PC: variants seen among roughly 807,000 people sequenced by gnomAD.
PC encodes pyruvate carboxylase.
A neutral mutation model predicts 107.8 loss-of-function variants in PC; 46 were observed. The ratio of observed to expected loss-of-function variants is 0.43; its 90% CI spans 0.34 to 0.55. The LOEUF (loss-of-function observed/expected upper bound fraction) is 0.55. PC is among the 20% of genes least tolerant of loss of function. PC has a pLI of 0.04. For missense variants in PC, 1,241 were observed against 1,643.1 expected, an observed-to-expected ratio of 0.76 and a Z score of 4.23; for synonymous variants, 662 against 684.7, an observed-to-expected ratio of 0.97 and a Z score of 0.52.
rs1188579720 is a variant in PC at position 66,858,830 on chromosome 11, C to T, written c.1368+4944G>A. 3 of 1,550,620 alleles carry T rather than the reference C, an allele frequency of 1.9e-6. No individual in the cohort carries two copies. Among genetic ancestry groups the T allele is most frequent in the African/African-American group, 1.4e-5 (1 of 73,288 alleles). ...CCAACCCTGCTGGTGAGGCCACAGC[C>T]CGAGTAGAACTGCGGGTGCTGGCCT... is the stretch of plus-strand genomic sequence containing the variant. On this transcript the variant is annotated intron_variant, in intron 12 of 22. Coordinates refer to ENST00000393960, the MANE Select transcript of PC (RefSeq NM_001040716.2). The surrounding 1 kb of genome is among the most constrained non-coding windows in gnomAD (Gnocchi z 5.9).
chr11:66,874,662 G>A (rs1946905281), intron 3 of PC, among the ~76,000 whole-genome samples: 1 of 152,206 alleles, frequency 6.6e-6, no homozygotes, highest in Non-Finnish European at 1.5e-5. Context: ...CAGACCTTAT[G>A]CCAGGCACAG....
At position 66,858,050 on chromosome 11, in the gene PC, C is replaced by A; in HGVS notation, c.1369-4667G>T. On this transcript the variant is annotated intron_variant, in intron 12 of 22. Coordinates refer to ENST00000393960, the MANE Select transcript of PC (RefSeq NM_001040716.2). The surrounding 1 kb of genome is among the most constrained non-coding windows in gnomAD (Gnocchi z 5.9). ...ACCTCGAGAGCCTGCGTTCCCTCCA[C>A]CTTGACGGCAACAGGCTGGTGGAGC... The A allele has an allele frequency of 6.2e-7, 1 of 1,610,766 alleles. No individual in the cohort carries two copies. The highest frequency in any genetic ancestry group is 8.5e-7 in the Non-Finnish European group (1 of 1,179,068).
Position 66,871,212 on chromosome 11 carries a change from G to T in PC, c.488-15C>A. On this transcript the variant is annotated splice_polypyrimidine_tract_variant and intron_variant, in intron 6 of 22. Transcript: ENST00000393960. The surrounding 1 kb of genome is among the most constrained non-coding windows in gnomAD (Gnocchi z 7.4). Reference sequence around the variant, plus strand: ...AACGGGAACACCTGTTGGGAGAAAGGTGTGGGGGAGTCTCTGTAACAGGCG... The same window carrying T: ...AACGGGAACACCTGTTGGGAGAAAGTTGTGGGGGAGTCTCTGTAACAGGCG... The T allele has an allele frequency of 6.2e-7, 1 of 1,612,996 alleles. No homozygotes were observed. The highest frequency in any genetic ancestry group is 8.5e-7 in the Non-Finnish European group (1 of 1,179,216).
chr11:66,862,556 G>A (rs530445288), intron 12 of PC, among the ~76,000 whole-genome samples: 91 of 152,302 alleles, frequency 6.0e-4, no homozygotes, highest in African/African-American at 2.1e-3. Context: ...CCGCCCTGTG[G>A]GGACCCCCAA....
intron 3 of PC, among the ~76,000 whole-genome samples, chr11:66,938,923 C>T (rs906123334): frequency 2.0e-5 from 3 of 152,166 alleles, no homozygotes; most frequent in African/African-American, 7.2e-5. Flanking sequence ...CCCATGATAC[C>T]ACAGGTTACA....
intron 3 of PC, among the ~76,000 whole-genome samples, chr11:66,885,196 G>A (rs1259822684): frequency 6.6e-6 from 1 of 152,184 alleles, no homozygotes; most frequent in Non-Finnish European, 1.5e-5. Flanking sequence ...GTCAGAATGT[G>A]ACCTTATTTG....
chr11:66,885,181 C>T (rs867794851), intron 3 of PC, among the ~76,000 whole-genome samples: 1 of 152,222 alleles, frequency 6.6e-6, no homozygotes, highest in South Asian at 2.1e-4. Flanking sequence ...ACCCCTAGCA[C>T]CTAGGTCAGA....
At chr11:66,873,702 A>T (rs1473550220) in intron 3 of PC, among the ~76,000 whole-genome samples, 1 of 149,924 alleles carries the variant, frequency 6.7e-6, no homozygotes, top group Non-Finnish European at 1.5e-5. Flanking sequence ...GCTGCCCAGC[A>T]CAGAGCCCAA....
rs141635532 is a variant in PC at position 66,858,150 on chromosome 11, G to A, written c.1369-4767C>T. Reference sequence around the variant, plus strand: ...CAGCGGCAACCAGCTGGGCCGCATCGCGCCGGGAGCCTTCGACGACTTCCT... The same window carrying A: ...CAGCGGCAACCAGCTGGGCCGCATCACGCCGGGAGCCTTCGACGACTTCCT... On this transcript the variant is annotated intron_variant, in intron 12 of 22. Transcript: ENST00000393960. This position sits in a 1 kb window ranked among gnomAD's most constrained non-coding sequence, Gnocchi z 5.9. 4 of 1,610,564 alleles carry A rather than the reference G, an allele frequency of 2.5e-6. No homozygotes were observed. The highest frequency in any genetic ancestry group is 2.5e-6 in the Non-Finnish European group (3 of 1,178,674).
intron 3 of PC, among the ~76,000 whole-genome samples, chr11:66,879,317 A>C (rs1947101729): frequency 6.6e-6 from 1 of 152,180 alleles, no homozygotes; most frequent in African/African-American, 2.4e-5. Flanking sequence ...GCCCACATAC[A>C]CTTGGAGCAA....
At chr11:66,894,757 C>T (rs1947692880) in intron 3 of PC, among the ~76,000 whole-genome samples, 1 of 152,194 alleles carries the variant, frequency 6.6e-6, no homozygotes, top group African/African-American at 2.4e-5. Context: ...CACAGTGGCT[C>T]GCACCTGTAA....
chr11:66,886,811 T>C (rs1438453668), intron 3 of PC, among the ~76,000 whole-genome samples: 1 of 152,138 alleles, frequency 6.6e-6, no homozygotes, highest in East Asian at 1.9e-4. Flanking sequence ...GTGAGTCTCC[T>C]GTGTAAAGAG....
In PC at chr11:66,866,239, A is replaced by G; in HGVS notation, c.1133T>C (p.Val378Ala). 6.2e-7 allele frequency: 1 copy of G among 1,611,988 alleles called. No individual in the cohort carries two copies. The highest frequency in any genetic ancestry group is 8.5e-7 in the Non-Finnish European group (1 of 1,179,670). ...RINGCAIQCR[V>A]TTEDPARSFQ... is the part of the protein sequence containing the mutation. ...GCTGCGCGCGGGGTCCTCGGTGGTG[A>G]CCCGGCACTGGATGGCACACCCGTT... The change falls in exon 11 of 23, where the codon GTC becomes GCC. Residue 378 changes from valine (V) to alanine (A), a missense_variant. By Grantham distance (64) the Val-to-Ala change is moderately conservative. Around this residue, in one of 2 missense-constraint regions of PC, gnomAD observed 1,143 missense variants for 1,551.9 expected, o/e 0.74. Transcript: ENST00000393960. This position sits in a 1 kb window ranked among gnomAD's most constrained non-coding sequence, Gnocchi z 5.4.
At chr11:66,929,978 C>G (rs909158339) in intron 3 of PC, among the ~76,000 whole-genome samples, 3 of 151,966 alleles carry the variant, frequency 2.0e-5, no homozygotes, top group African/African-American at 7.3e-5. Flanking sequence ...GTTTTCAAAG[C>G]CTCAAAAGGT....
intron 12 of PC, chr11:66,859,143 G>A (rs774632242): frequency 1.5e-5 from 22 of 1,468,218 alleles, no homozygotes; most frequent in Non-Finnish European, 2.0e-5. Context: ...CCCTTCCTCC[G>A]CCCTCTGCTC....
intron 3 of PC, 51 bp from the exon 4 acceptor site, chr11:66,872,210 C>T (rs1439289581): frequency 6.5e-7 from 1 of 1,548,332 alleles, no homozygotes; most frequent in Non-Finnish European, 8.7e-7. Flanking sequence ...CACTGAGGCT[C>T]CTCAGAATGA....
chr11:66,899,098 G>A (rs1347466779), intron 3 of PC, among the ~76,000 whole-genome samples: 1 of 152,000 alleles, frequency 6.6e-6, no homozygotes, highest in African/African-American at 2.4e-5. Flanking sequence ...TTGAACTCCC[G>A]ACCTCAAGTG....
intron 12 of PC, chr11:66,860,808 T>G (rs935814031): frequency 2.9e-6 from 2 of 681,890 alleles, no homozygotes; most frequent in African/African-American, 1.8e-5. Flanking sequence ...CCCATGGCAC[T>G]TCAGGGTCTG....
intron 12 of PC, among the ~76,000 whole-genome samples, chr11:66,855,762 C>G (rs917003525): frequency 6.6e-6 from 1 of 152,208 alleles, no homozygotes; most frequent in Non-Finnish European, 1.5e-5. Context: ...AAGCCCCTCA[C>G]AAGCTGCAGC....
Sources: allele counts gnomAD v4.1 joint callset (sites outside exome capture counted in the v4.1 genomes callset), GRCh38; gene constraint gnomAD v4.1.1; regional missense constraint gnomAD v4.1.1; non-coding constraint Gnocchi (gnomAD v3.1); transcripts MANE v1.5; gene names NCBI Gene and HGNC (gene_info 2026-07-23, HGNC 2026-07-21).